IMMP2L: variants seen among roughly 807,000 people sequenced by gnomAD.
IMMP2L encodes the protein inner mitochondrial membrane peptidase subunit 2.
A neutral mutation model predicts 19.3 loss-of-function variants in IMMP2L; 18 were observed. That is an observed-to-expected ratio of 0.93 (90% confidence interval 0.64 to 1.38). IMMP2L has a LOEUF of 1.38. Among genes scored for constraint, IMMP2L ranks in the 40% most tolerant of loss-of-function variants. The pLI is 0.00. For synonymous variants in IMMP2L, 76 were observed against 73.0 expected (o/e 1.04, Z -0.21); for missense variants, 233 against 218.2 (o/e 1.07, Z -0.43).
intron 4 of IMMP2L, among the ~76,000 whole-genome samples, chr7:110,951,178 T>A (rs1817800480): frequency 6.6e-6 from 1 of 151,804 alleles, no homozygotes; most frequent in Admixed American, 6.6e-5. Context: ...GCAAGATGAA[T>A]AAGTTCTAGA....
At chr7:110,703,827 T>C (rs989440603) in intron 5 of IMMP2L, among the ~76,000 whole-genome samples, 5 of 152,146 alleles carry the variant, frequency 3.3e-5, no homozygotes, top group African/African-American at 7.2e-5. Flanking sequence ...ATAATAGTTT[T>C]CTAATTGCTC....
At chr7:111,329,707 A>T (rs906176962) in intron 3 of IMMP2L, among the ~76,000 whole-genome samples, 1 of 151,786 alleles carries the variant, frequency 6.6e-6, no homozygotes, top group South Asian at 2.1e-4. Flanking sequence ...TACATTAGAG[A>T]GAGAAAAAGG....
At chr7:110,861,811 A>C (rs1807458940) in intron 5 of IMMP2L, among the ~76,000 whole-genome samples, 1 of 152,110 alleles carries the variant, frequency 6.6e-6, no homozygotes, top group Non-Finnish European at 1.5e-5. Flanking sequence ...CCAAATTACA[A>C]AAATATTTTA....
At chr7:110,872,464 T>C (rs1020818314) in intron 5 of IMMP2L, among the ~76,000 whole-genome samples, 5 of 152,178 alleles carry the variant, frequency 3.3e-5, no homozygotes, top group African/African-American at 4.8e-5. Context: ...GTCTATTCTT[T>C]TGTCTGCCTA....
chr7:110,671,876 G>T (rs1791945908), intron 5 of IMMP2L, among the ~76,000 whole-genome samples: 1 of 152,084 alleles, frequency 6.6e-6, no homozygotes, highest in South Asian at 2.1e-4. Context: ...CGGGAGGAAA[G>T]ACATTTTTTA....
rs1381150805 is a variant in IMMP2L at position 110,728,596 on chromosome 7, T to C, written c.409-64875A>G. ...AATCAGGGCAGAAGGCTCACCATTA[T>C]CACATTTTATCTAATCACCTCCTAA... is the stretch of plus-strand genomic sequence containing the variant. On this transcript the variant is annotated intron_variant, in intron 5 of 5. Coordinates refer to ENST00000405709, the MANE Select transcript of IMMP2L (RefSeq NM_032549.4). This position sits in a 1 kb window ranked among gnomAD's most constrained non-coding sequence, Gnocchi z 4.6. 6.6e-6 allele frequency among the ~76,000 whole-genome samples: 1 copy of C among 152,208 alleles called. No homozygotes were observed. The highest frequency in any genetic ancestry group is 1.5e-5 in the Non-Finnish European group (1 of 68,038).
At chr7:111,149,981 A>C (rs1216797457) in intron 3 of IMMP2L, among the ~76,000 whole-genome samples, 1 of 152,194 alleles carries the variant, frequency 6.6e-6, no homozygotes, top group Non-Finnish European at 1.5e-5. Context: ...AAATTTGGAT[A>C]TGTCAGGGAG....
chr7:110,963,967 T>G (rs74843712), intron 3 of IMMP2L, among the ~76,000 whole-genome samples: 2,458 of 150,062 alleles, frequency 0.016, 68 homozygotes, highest in African/African-American at 0.057. Flanking sequence ...TGGTGGGAGG[T>G]GACTGGATTA....
intron 1 of IMMP2L, among the ~76,000 whole-genome samples, chr7:111,533,923 A>G (rs1041278019): frequency 2.0e-5 from 3 of 152,050 alleles, no homozygotes; most frequent in Admixed American, 2.0e-4. Context: ...AAAAATTATA[A>G]TATCAGTATC....
At chr7:111,320,782 G>C (rs867026148) in intron 3 of IMMP2L, among the ~76,000 whole-genome samples, 1 of 151,978 alleles carries the variant, frequency 6.6e-6, no homozygotes, top group African/African-American at 2.4e-5. Flanking sequence ...AGTTTCTCCA[G>C]GTGACACATC....
intron 5 of IMMP2L, among the ~76,000 whole-genome samples, chr7:110,680,349 G>A (rs1028099555): frequency 2.0e-5 from 3 of 152,160 alleles, no homozygotes; most frequent in Non-Finnish European, 2.9e-5. Flanking sequence ...TGATGAGCTA[G>A]ATGAGTGATC....
At chr7:111,261,477 G>A (rs1817305928) in intron 3 of IMMP2L, among the ~76,000 whole-genome samples, 1 of 152,078 alleles carries the variant, frequency 6.6e-6, no homozygotes, top group South Asian at 2.1e-4. Context: ...CTCTGATTCA[G>A]GGCTTCATTC....
chr7:110,663,524 C>A lies in IMMP2L; in HGVS notation c.*78G>T. ...AGCATCATATTGTCAGAAGTTTTTC[C>A]CTTTTGGAGGCTTCTTTTTTCCATT... On this transcript the variant is annotated 3_prime_UTR_variant, in exon 6 of 6. Transcript: ENST00000405709. The A allele has an allele frequency of 7.5e-7, 1 of 1,331,458 alleles. No homozygotes were observed. The highest frequency in any genetic ancestry group is 1.1e-6 in the Non-Finnish European group (1 of 940,364). The allele number at this position is 1,331,458 out of a possible 1,614,324, so 82.5% of individuals were successfully genotyped here.
At chr7:111,425,150 T>A (rs1835942464) in intron 3 of IMMP2L, among the ~76,000 whole-genome samples, 1 of 151,800 alleles carries the variant, frequency 6.6e-6, no homozygotes, top group Non-Finnish European at 1.5e-5. Flanking sequence ...GTTTTTCACA[T>A]AAACACTTAC....
At chr7:111,072,975 G>A (rs1297451571) in intron 3 of IMMP2L, among the ~76,000 whole-genome samples, 1 of 151,596 alleles carries the variant, frequency 6.6e-6, no homozygotes, top group Non-Finnish European at 1.5e-5. Flanking sequence ...TTAGATCATT[G>A]GTAAAGGCAA....
chr7:110,900,355 G>A (rs28545077), intron 4 of IMMP2L, among the ~76,000 whole-genome samples: 7,259 of 151,896 alleles, frequency 0.048, 566 homozygotes, highest in African/African-American at 0.17. Context: ...AGCAAAAAAG[G>A]CAAAAAAAAT....
chr7:110,997,915 T>G lies in IMMP2L; in HGVS notation c.240-34350A>C, dbSNP rs1000723229. On this transcript the variant is annotated intron_variant, in intron 3 of 5. Coordinates refer to ENST00000405709, the MANE Select transcript of IMMP2L (RefSeq NM_032549.4). ...CTTGCCAAGTTCTTCTAATACCGGA[T>G]GGTGTGAATAAAACTAGTTTCTGAG... 1.2e-4 allele frequency among the ~76,000 whole-genome samples: 19 copies of G among 152,222 alleles called. No homozygotes were observed. In the East Asian group the frequency reaches 1.7e-3, roughly 14 times the overall value.
Position 110,729,129 on chromosome 7 carries a change from C to T in IMMP2L, c.409-65408G>A, listed in dbSNP as rs145601943. ...CGAACTCCTGACCTCGTGATCTGCC[C>T]GCCTCAGCCTCCCAAAGTGCTGGGA... On this transcript the variant is annotated intron_variant, in intron 5 of 5. Coordinates refer to ENST00000405709, the MANE Select transcript of IMMP2L (RefSeq NM_032549.4). 4.5e-3 allele frequency among the ~76,000 whole-genome samples: 681 copies of T among 152,172 alleles called. 7 individuals carry two copies. Among genetic ancestry groups the T allele is most frequent in the African/African-American group, 0.016 (661 of 41,510 alleles).
chr7:111,120,457 A>G (rs1297597342), intron 3 of IMMP2L, among the ~76,000 whole-genome samples: 2 of 152,166 alleles, frequency 1.3e-5, no homozygotes, highest in African/African-American at 4.8e-5. Flanking sequence ...AACTGCCCCC[A>G]TGATTTAATT....
Sources: gnomAD v4.1 joint callset for allele counts (sites outside exome capture counted in the v4.1 genomes callset) on GRCh38, gnomAD v4.1.1 for gene constraint, Gnocchi (gnomAD v3.1) non-coding constraint, MANE v1.5 for transcripts, NCBI Gene and HGNC (gene_info 2026-07-23, HGNC 2026-07-21) for gene names.